CCNG2: variants seen among roughly 807,000 people sequenced by gnomAD.
The protein encoded by CCNG2 is cyclin G2.
CCNG2 carries 20 observed loss-of-function variants against 36.5 expected under a neutral mutation model. That is an observed-to-expected ratio of 0.55 (90% CI 0.39 to 0.80). The LOEUF is 0.80. Ranked by LOEUF, CCNG2 falls within the 30% of genes least tolerant of loss-of-function variation. CCNG2 has a pLI of 0.00. For synonymous variants in CCNG2, 155 were observed against 140.1 expected (o/e 1.11, Z -0.75); for missense variants, 358 against 390.8 (o/e 0.92, Z 0.71).
chr4:77,160,126 A>G (rs1009491090), intron 3 of CCNG2, among the ~76,000 whole-genome samples: 1 of 152,224 alleles, frequency 6.6e-6, no homozygotes, highest in African/African-American at 2.4e-5. Context: ...ACATTGAAAT[A>G]TGGAATGACT....
intron 3 of CCNG2, 69 bp from the exon 4 acceptor site, chr4:77,160,652 T>G: frequency 2.0e-6 from 3 of 1,470,808 alleles, no homozygotes; most frequent in South Asian, 2.5e-5. Context: ...GGAGCATCAT[T>G]ACAATATTCT....
chr4:77,166,096 C>T lies in CCNG2; in HGVS notation c.*172C>T, dbSNP rs1731628126. On this transcript the variant is annotated 3_prime_UTR_variant, in exon 8 of 8. Coordinates refer to ENST00000316355, the MANE Select transcript of CCNG2 (RefSeq NM_004354.3). ...GCCTATTTTCATATTTATCCTAAGC[C>T]ATCAAATGGGGTAGTGCCTCTTAAA... 5.8e-6 allele frequency: 3 copies of T among 513,288 alleles called. No homozygotes were observed. Among genetic ancestry groups the T allele is most frequent in the Admixed American group, 8.1e-5 (2 of 24,756 alleles). The allele number at this position is 513,288 out of a possible 1,614,324, so 31.8% of individuals were successfully genotyped here.
rs1012292933 is a variant in CCNG2 at position 77,168,612 on chromosome 4, G to A, written c.*2688G>A. On this transcript the variant is annotated 3_prime_UTR_variant, in exon 8 of 8. Coordinates refer to ENST00000316355, the MANE Select transcript of CCNG2 (RefSeq NM_004354.3). ...TGTTAGCTATACAGAAGATGAACTGGGCAATATAGAGTAGCAGCATGGAGA... is the reference window on the plus strand; with the variant it reads ...TGTTAGCTATACAGAAGATGAACTGAGCAATATAGAGTAGCAGCATGGAGA... 2 of 152,116 alleles carry A rather than the reference G, an allele frequency of 1.3e-5. No individual in the cohort carries two copies. Among genetic ancestry groups the A allele is most frequent in the African/African-American group, 2.4e-5 (1 of 41,414 alleles). 9.4% of individuals were successfully genotyped at this position (152,116 alleles called of 1,614,324 possible). A position where few individuals can be genotyped will look rare whatever the true frequency, so the allele number is the denominator to read the frequency against.
intron 1 of CCNG2, 151 bp from the exon 2 acceptor site, chr4:77,158,382 G>A: frequency 1.4e-6 from 1 of 698,888 alleles, no homozygotes; most frequent in Non-Finnish European, 2.4e-6. Context: ...TTGCCCTGGG[G>A]CTCTGGCGGA....
rs901901376 is a variant in CCNG2 at position 77,169,973 on chromosome 4, T to G, written c.*4049T>G. 1 of 152,192 alleles carries G rather than the reference T, an allele frequency of 6.6e-6. No homozygotes were observed. The allele number at this position is 152,192 out of a possible 1,614,324, so 9.4% of individuals were successfully genotyped here. ...GATTACAGGTGATGTTTTTTTTAAG[T>G]TATGCCTATCTGTAGTTTCCTTTTT... On this transcript the variant is annotated 3_prime_UTR_variant, in exon 8 of 8. Coordinates refer to ENST00000316355, the MANE Select transcript of CCNG2 (RefSeq NM_004354.3).
rs552747537 is a variant in CCNG2, at chr4:77,157,244, C to T, written c.-263C>T. ...AACAAGGGGCTCGGGGAGGTTTCCGCTGAGGCGGCGGGGGTGCGGCGGTGG... is the reference window on the plus strand; with the variant it reads ...AACAAGGGGCTCGGGGAGGTTTCCGTTGAGGCGGCGGGGGTGCGGCGGTGG... On this transcript the variant is annotated 5_prime_UTR_variant, in exon 1 of 8. Coordinates refer to ENST00000316355, the MANE Select transcript of CCNG2 (RefSeq NM_004354.3). 2.0e-4 allele frequency: 31 copies of T among 152,422 alleles called. No homozygotes were observed. The highest frequency in any genetic ancestry group is 7.2e-4 in the African/African-American group (30 of 41,554). The allele number at this position is 152,422 out of a possible 1,614,324, so 9.4% of individuals were successfully genotyped here.
At chr4:77,158,191 G>A in intron 1 of CCNG2, 2 of 304,332 alleles carry the variant, frequency 6.6e-6, no homozygotes, top group South Asian at 8.1e-5. Context: ...CAGTCCCCTG[G>A]GCAGAAGGCC....
At position 77,162,732 on chromosome 4, in the gene CCNG2, A is replaced by C. The variant is rs192934361; in HGVS notation, c.705+985A>C. Among the ~76,000 whole-genome samples the C allele has an allele frequency of 1.4e-3, 216 of 152,156 alleles. 1 individual carries two copies. The highest frequency in any genetic ancestry group is 4.9e-3 in the African/African-American group (202 of 41,526). Reference sequence around the variant, plus strand: ...AGAAATAGGGCAGACTAGGAGAAACACTATGACTGGGAGCCTGTTTGGAGC... The same window carrying C: ...AGAAATAGGGCAGACTAGGAGAAACCCTATGACTGGGAGCCTGTTTGGAGC... On this transcript the variant is annotated intron_variant, in intron 6 of 7. Transcript: ENST00000316355.
chr4:77,164,442 A>C lies in CCNG2; in HGVS notation c.874A>C (p.Thr292Pro). 2.5e-6 allele frequency: 4 copies of C among 1,614,066 alleles called. No homozygotes were observed. Among genetic ancestry groups the C allele is most frequent in the Non-Finnish European group, 3.4e-6 (4 of 1,179,972 alleles). The change falls in exon 7 of 8, where the codon ACG becomes CCG. Residue 292 changes from threonine to proline, a missense_variant. Coordinates refer to ENST00000316355, the MANE Select transcript of CCNG2 (RefSeq NM_004354.3). ...CTACTATAGTGTTCCTGAGCTGCCA[A>C]CGATACCTGAGGGGGGTTGTTTTGA... is the stretch of plus-strand genomic sequence containing the variant. ...NSYYSVPELP[T>P]IPEGGCFDES...
rs574104753 is a variant in CCNG2, at chr4:77,166,400, A to G, written c.*476A>G. 15 of 152,350 alleles carry G rather than the reference A, an allele frequency of 9.8e-5. No homozygotes were observed. Among genetic ancestry groups the G allele is most frequent in the African/African-American group, 3.1e-4 (13 of 41,570 alleles). The allele number at this position is 152,350 out of a possible 1,614,324, so 9.4% of individuals were successfully genotyped here. Reference sequence around the variant, plus strand: ...CTCAGAAGAGTGAGTATGCTCTTAAATGTCAAACACATTTTTGTTGTTTTG... The same window carrying G: ...CTCAGAAGAGTGAGTATGCTCTTAAGTGTCAAACACATTTTTGTTGTTTTG... On this transcript the variant is annotated 3_prime_UTR_variant, in exon 8 of 8. Coordinates refer to ENST00000316355, the MANE Select transcript of CCNG2 (RefSeq NM_004354.3).
Position 77,168,958 on chromosome 4 carries a change from T to C in CCNG2, c.*3034T>C, listed in dbSNP as rs1208988086. The stretch of plus-strand genomic sequence containing the variant: ...TTTCTAGGATGTGGTGCACGCACTT[T>C]GCTGTTGCGCATGGTGAAGTATTGT... On this transcript the variant is annotated 3_prime_UTR_variant, in exon 8 of 8. Transcript: ENST00000316355. The C allele has an allele frequency of 6.6e-6, 1 of 152,324 alleles. No individual in the cohort carries two copies. Among genetic ancestry groups the C allele is most frequent in the Non-Finnish European group, 1.5e-5 (1 of 68,060 alleles). 9.4% of individuals were successfully genotyped at this position (152,324 alleles called of 1,614,324 possible).
Position 77,161,553 on chromosome 4 carries a change from G to T in CCNG2, c.601G>T (p.Ala201Ser), listed in dbSNP as rs1205720304. 1 of 1,608,696 alleles carries T rather than the reference G, an allele frequency of 6.2e-7. No homozygotes were observed. The highest frequency in any genetic ancestry group is 1.7e-5 in the Admixed American group (1 of 59,080). The change falls in exon 5 of 8, where the codon GCA becomes TCA. Residue 201 changes from alanine to serine, a missense_variant. Physicochemically the swap from Ala to Ser is moderately conservative, Grantham distance 99 (BLOSUM62 1). Transcript: ENST00000316355. The stretch of plus-strand genomic sequence containing the variant: ...CAACTGCCGACTCATCTTTTCAAAA[G>T]CAAAAGTAAGTCGATTCCTTGCTTA... ...ACNCRLIFSK[A>S]KPSVLALCLL... is the part of the protein sequence containing the mutation.
At chr4:77,162,585 G>A (rs1473804847) in intron 6 of CCNG2, among the ~76,000 whole-genome samples, 1 of 152,008 alleles carries the variant, frequency 6.6e-6, no homozygotes, top group African/African-American at 2.4e-5. Flanking sequence ...GTTTCGCCAT[G>A]TTGGCCAGGC....
At chr4:77,165,675 C>A in intron 7 of CCNG2, 126 bp from the exon 8 acceptor site, 1 of 746,442 alleles carries the variant, frequency 1.3e-6, no homozygotes, top group East Asian at 3.0e-5. Flanking sequence ...AATTTTGTCT[C>A]TGTAAAGCAT....
chr4:77,157,427 G>C lies in CCNG2; in HGVS notation c.-80G>C, dbSNP rs1161160373. On this transcript the variant is annotated 5_prime_UTR_variant, in exon 1 of 8. Coordinates refer to ENST00000316355, the MANE Select transcript of CCNG2 (RefSeq NM_004354.3). ...GAGGCGGTGGGTCCCCGACCTGCGA[G>C]ACAGGTTTGGAAGCCCCCGCTGCGC... 1 of 152,350 alleles carries C rather than the reference G, an allele frequency of 6.6e-6. No homozygotes were observed. The highest frequency in any genetic ancestry group is 1.5e-5 in the Non-Finnish European group (1 of 68,158). 9.4% of individuals were successfully genotyped at this position (152,350 alleles called of 1,614,324 possible).
chr4:77,161,972 G>C (rs4150074), intron 6 of CCNG2, among the ~76,000 whole-genome samples: 1 of 152,004 alleles, frequency 6.6e-6, no homozygotes, highest in African/African-American at 2.4e-5. Context: ...GCATATAGGT[G>C]CCCCTTCTGT....
chr4:77,161,148 G>C lies in CCNG2; in HGVS notation c.527+177G>C, dbSNP rs1731426017. ...AAGGAATTTCGCTCTTGTTGCCCAG[G>C]CTGGAGTGCAATGGCGTGATCTCGG... On this transcript the variant is annotated intron_variant, in intron 4 of 7. Transcript: ENST00000316355. Among the ~76,000 whole-genome samples, 4 of 130,828 alleles carry C rather than the reference G, an allele frequency of 3.1e-5. No individual in the cohort carries two copies. The South Asian group carries it at 9.2e-4, about 30-fold the overall frequency. The allele number at this position is 130,828 out of a possible 152,430, so 85.8% of individuals were successfully genotyped here.
chr4:77,164,669 G>T, intron 7 of CCNG2, 190 bp downstream of exon 7: 2 of 502,492 alleles, frequency 4.0e-6, no homozygotes, highest in Admixed American at 3.7e-5. Context: ...TGATTTATAA[G>T]GTCCTCTCCA....
intron 1 of CCNG2, chr4:77,158,264 T>C (rs576931000): frequency 6.0e-5 from 27 of 450,950 alleles, no homozygotes; most frequent in Admixed American, 1.9e-4. Flanking sequence ...GACAGTTTCC[T>C]GTTTGTGAAA....
Sources: gnomAD v4.1 joint callset for allele counts (sites outside exome capture counted in the v4.1 genomes callset) on GRCh38, gnomAD v4.1.1 for gene constraint, MANE v1.5 for transcripts, NCBI Gene and HGNC (gene_info 2026-07-23, HGNC 2026-07-21) for gene names.